TRPC4AP: variants seen among roughly 807,000 people sequenced by gnomAD.
The protein encoded by TRPC4AP is transient receptor potential cation channel subfamily C member 4 associated protein.
Under a neutral mutation model 99.0 loss-of-function variants are expected in TRPC4AP, and 45 were observed. The ratio of observed to expected loss-of-function variants is 0.45; its 90% CI spans 0.36 to 0.58. The LOEUF is 0.58. Among genes scored for constraint, TRPC4AP ranks in the 20% least tolerant of loss-of-function variants. The probability of loss-of-function intolerance (pLI) is 0.00; values close to 1 mark genes in which losing one functional copy is unlikely to be tolerated. For synonymous variants in TRPC4AP, 408 were observed against 385.8 expected (o/e 1.06, Z -0.67); for missense variants, 879 against 985.3 (o/e 0.89, Z 1.44).
chr20:35,076,045 C>T (rs1390281202), intron 2 of TRPC4AP, among the ~76,000 whole-genome samples: 1 of 152,126 alleles, frequency 6.6e-6, no homozygotes, highest in Non-Finnish European at 1.5e-5. Flanking sequence ...TCCACTTGAT[C>T]GAATTGGCTA....
In TRPC4AP at chr20:35,070,905, G is replaced by GT. The variant is rs1350791223; in HGVS notation, c.298-1494dup. On this transcript the variant is annotated intron_variant, in intron 2 of 18. Coordinates refer to ENST00000252015, the MANE Select transcript of TRPC4AP (RefSeq NM_015638.3). ...ATCTTACAAGAAAACCTAAAACATAGTAAGTTTCAAATAAGTACTTACTTA... is the reference window on the plus strand; with the variant it reads ...ATCTTACAAGAAAACCTAAAACATAGTTAAGTTTCAAATAAGTACTTACTTA... Among the ~76,000 whole-genome samples the GT allele has an allele frequency of 2.6e-5, 4 of 152,168 alleles. No homozygotes were observed. The East Asian group carries it at 7.7e-4, about 29-fold the overall frequency.
intron 2 of TRPC4AP, among the ~76,000 whole-genome samples, chr20:35,070,415 CTT>C (rs942406993): frequency 4.1e-5 from 6 of 145,156 alleles, no homozygotes; most frequent in Non-Finnish European, 9.1e-5. Flanking sequence ...CAAACCATTT[CTT>C]TTTTTTTTTT....
intron 13 of TRPC4AP, among the ~76,000 whole-genome samples, chr20:35,007,849 T>C (rs1220468140): frequency 6.6e-6 from 1 of 152,164 alleles, no homozygotes; most frequent in Non-Finnish European, 1.5e-5. Flanking sequence ...GTCTTCTATC[T>C]GGGTCTGTCT....
chr20:35,020,082 T>G (rs2082850932), intron 9 of TRPC4AP, among the ~76,000 whole-genome samples: 1 of 152,168 alleles, frequency 6.6e-6, no homozygotes, highest in African/African-American at 2.4e-5. Flanking sequence ...CTCTCCTCAC[T>G]CTTAAGTTCA....
chr20:35,008,733 T>A lies in TRPC4AP; in HGVS notation c.1526A>T (p.Asp509Val). 6.2e-7 allele frequency: 1 copy of A among 1,613,810 alleles called. No individual in the cohort carries two copies. The change falls in exon 13 of 19, where the codon GAT (aspartate) becomes GTT (valine). Residue 509 changes from aspartate (D) to valine (V), a missense_variant. By Grantham distance (152) the Asp-to-Val change is radical (BLOSUM62 -3). Around this residue, in one of 3 missense-constraint regions of TRPC4AP, gnomAD observed 603 missense variants for 631.8 expected, o/e 0.95. Coordinates refer to ENST00000252015, the MANE Select transcript of TRPC4AP (RefSeq NM_015638.3). ...ACGAGTTAATAAGCCCCTCTTCCCA[T>A]CACACACCAAACTCCTGAAATAGAA... ...VLNTDRSLVC[D>V]GKRGLLTRLL... is the part of the protein sequence containing the mutation.
intron 1 of TRPC4AP, among the ~76,000 whole-genome samples, chr20:35,078,472 A>G (rs1230944620): frequency 6.6e-6 from 1 of 152,226 alleles, no homozygotes; most frequent in Non-Finnish European, 1.5e-5. Flanking sequence ...GGCAACTGCT[A>G]AAAGTATTTT....
At chr20:35,009,701 A>G (rs964957219) in intron 12 of TRPC4AP, among the ~76,000 whole-genome samples, 44 of 152,218 alleles carry the variant, frequency 2.9e-4, no homozygotes, top group Non-Finnish European at 6.2e-4. Flanking sequence ...CTCTTGTTGG[A>G]TAAAGTCCAC....
At chr20:35,012,825 T>C (rs1422964107) in intron 11 of TRPC4AP, among the ~76,000 whole-genome samples, 183 bp downstream of exon 11, 2 of 152,144 alleles carry the variant, frequency 1.3e-5, no homozygotes, top group African/African-American at 2.4e-5. Context: ...GTGCCTGCCA[T>C]AAGGAAGTCT....
chr20:35,053,530 G>C (rs530196827), intron 5 of TRPC4AP, among the ~76,000 whole-genome samples: 1 of 152,186 alleles, frequency 6.6e-6, no homozygotes, highest in African/African-American at 2.4e-5. Flanking sequence ...TGCATTTCCT[G>C]AACAATTTGA....
chr20:35,054,156 T>C (rs1183951915), intron 5 of TRPC4AP, among the ~76,000 whole-genome samples: 2 of 151,230 alleles, frequency 1.3e-5, no homozygotes, highest in Admixed American at 6.7e-5. Context: ...AAATCTTATT[T>C]TGAATGAGGC....
At chr20:35,008,582 T>A in intron 13 of TRPC4AP, 82 bp downstream of exon 13, 1 of 1,212,694 alleles carries the variant, frequency 8.2e-7, no homozygotes, top group South Asian at 1.4e-5. Flanking sequence ...CGCTGGTGAC[T>A]AAAGGAGGTA....
chr20:35,006,331 G>A (rs1396336858), intron 15 of TRPC4AP, 104 bp downstream of exon 15: 57 of 1,383,506 alleles, frequency 4.1e-5, no homozygotes, highest in Middle Eastern at 1.9e-4. Flanking sequence ...AGACTCCCCC[G>A]TCGTCTCTAA....
intron 8 of TRPC4AP, among the ~76,000 whole-genome samples, chr20:35,025,895 G>A (rs2083017937): frequency 6.6e-6 from 1 of 152,144 alleles, no homozygotes; most frequent in African/African-American, 2.4e-5. Context: ...TTTCTTCTAA[G>A]GGTTTCACAG....
At position 35,035,155 on chromosome 20, in the gene TRPC4AP, C is replaced by A. The variant is rs181172530; in HGVS notation, c.1019G>T (p.Arg340Leu). Reference protein sequence around the residue: ...DNALVLDALMRVANEESEHNQ... With the variant: ...DNALVLDALMLVANEESEHNQ... ...GTGCTCTGACTCCTCATTGGCCACT[C>A]GCATCAGGGCATCTAGCACCAAAGC... The change falls in exon 8 of 19, where the codon CGA (arginine) becomes CTA (leucine). Residue 340 changes from arginine to leucine, a missense_variant. By Grantham distance (102) the Arg-to-Leu change is moderately radical. This residue lies in a region of TRPC4AP where 603 missense variants were observed against 631.8 expected (regional missense o/e 0.95). Transcript: ENST00000252015. The A allele has an allele frequency of 1.9e-6, 3 of 1,613,908 alleles. No individual in the cohort carries two copies. The African/African-American group carries it at 4.0e-5, about 22-fold the overall frequency.
At chr20:35,027,573 A>G (rs1342994018) in intron 8 of TRPC4AP, among the ~76,000 whole-genome samples, 13 of 152,242 alleles carry the variant, frequency 8.5e-5, no homozygotes, top group East Asian at 1.9e-4. Flanking sequence ...TTTATTTTCT[A>G]TTAGAGTCTG....
chr20:35,043,313 C>A (rs2083483460), intron 7 of TRPC4AP, among the ~76,000 whole-genome samples: 2 of 149,616 alleles, frequency 1.3e-5, no homozygotes, highest in African/African-American at 4.9e-5. Flanking sequence ...GTGGTGCAAT[C>A]TGGGCTCACA....
chr20:35,023,212 T>C (rs1054660936), intron 8 of TRPC4AP, among the ~76,000 whole-genome samples: 1 of 152,132 alleles, frequency 6.6e-6, no homozygotes, highest in Non-Finnish European at 1.5e-5. Flanking sequence ...TTGAACCCCA[T>C]TCACTAGCCG....
At chr20:35,081,415 G>A (rs1468992265) in intron 1 of TRPC4AP, among the ~76,000 whole-genome samples, 1 of 151,910 alleles carries the variant, frequency 6.6e-6, no homozygotes, top group Non-Finnish European at 1.5e-5. Flanking sequence ...TCAGGTAGCT[G>A]AGGCAGGAGG....
Position 35,005,728 on chromosome 20 carries a change from G to A in TRPC4AP, c.1903C>T (p.Leu635=). 1.2e-6 allele frequency: 2 copies of A among 1,614,184 alleles called. No individual in the cohort carries two copies. Among genetic ancestry groups the A allele is most frequent in the Non-Finnish European group, 1.7e-6 (2 of 1,180,006 alleles). The change falls in exon 16 of 19, where the codon CTG becomes TTG. Residue 635 remains leucine, a synonymous_variant. Coordinates refer to ENST00000252015, the MANE Select transcript of TRPC4AP (RefSeq NM_015638.3). The part of the protein sequence containing the change: ...NMLVRCVTLS[L]DRFENQVDMK... ...TCCACCTGGTTTTCAAATCGGTCCA[G>A]GGACAGAGTGACACAGCGCACCAGC...
Sources: allele counts gnomAD v4.1 joint callset (sites outside exome capture counted in the v4.1 genomes callset), GRCh38; gene constraint gnomAD v4.1.1; regional missense constraint gnomAD v4.1.1; transcripts MANE v1.5; gene names NCBI Gene and HGNC (gene_info 2026-07-23, HGNC 2026-07-21).